The following SLC1A6 variants were observed in gnomAD, a reference collection of about 807,000 sequenced individuals.
SLC1A6 encodes the protein solute carrier family 1 member 6, also known as excitatory amino acid transporter 4.
Under a neutral mutation model 42.1 loss-of-function variants are expected in SLC1A6, and 15 were observed. That is an observed-to-expected ratio of 0.36 (90% confidence interval 0.24 to 0.55). The LOEUF is 0.55. Ranked by LOEUF, SLC1A6 falls within the 20% of genes least tolerant of loss-of-function variation. The probability of loss-of-function intolerance (pLI) is 0.88; values close to 1 mark genes in which losing one functional copy is unlikely to be tolerated. For synonymous variants in SLC1A6, 317 were observed against 319.7 expected (o/e 0.99, Z 0.09); for missense variants, 542 against 772.5 (o/e 0.70, Z 3.54).
At chr19:14,989,754 G>GA (rs1273975162) in intron 1 of SLC1A6, among the ~76,000 whole-genome samples, 12 of 32,826 alleles carry the variant, frequency 3.7e-4, no homozygotes, top group Non-Finnish European at 6.2e-4. Flanking sequence ...TGGGGTGGCG[G>GA]GGGGTGGGGT....
intron 5 of SLC1A6, among the ~76,000 whole-genome samples, chr19:14,963,654 C>A (rs1467480758): frequency 6.6e-6 from 1 of 151,984 alleles, no homozygotes; most frequent in African/African-American, 2.4e-5. Flanking sequence ...AGGAAGTGAA[C>A]AACCAATGTG....
rs745933326 is a variant in SLC1A6, at chr19:14,956,555, G to A, written c.1090C>T (p.Leu364Phe). The change falls in exon 7 of 10, where the codon CTC (leucine) becomes TTC (phenylalanine). Residue 364 changes from leucine (L) to phenylalanine (F), a missense_variant. Transcript: ENST00000594383. ...AGIVLPLIYF[L>F]VTHRNPFPFI... ...GGGAAGGGGTTCCGGTGAGTGACGA[G>A]GAAGTAGATGAGGGGAAGGACAATG... 2 of 1,613,654 alleles carry A rather than the reference G, an allele frequency of 1.2e-6. No individual in the cohort carries two copies. Among genetic ancestry groups the A allele is most frequent in the African/African-American group, 2.7e-5 (2 of 74,988 alleles).
At chr19:15,007,062 C>A (rs1201184182) in intron 1 of SLC1A6, among the ~76,000 whole-genome samples, 5 of 152,164 alleles carry the variant, frequency 3.3e-5, no homozygotes, top group African/African-American at 1.2e-4. Context: ...GTGCTGGGTG[C>A]TCGGTAGTGG....
intron 1 of SLC1A6, among the ~76,000 whole-genome samples, chr19:15,009,873 A>G (rs1007017698): frequency 6.6e-6 from 1 of 152,196 alleles, no homozygotes; most frequent in Non-Finnish European, 1.5e-5. Context: ...AGTGCTATGA[A>G]GACACGAAAG....
intron 1 of SLC1A6, among the ~76,000 whole-genome samples, chr19:14,999,259 C>A (rs1256670449): frequency 6.6e-6 from 1 of 152,102 alleles, no homozygotes; most frequent in Non-Finnish European, 1.5e-5. Flanking sequence ...GTCTCCACAA[C>A]CCCTTATTTT....
intron 1 of SLC1A6, among the ~76,000 whole-genome samples, chr19:14,993,750 CA>C (rs1209771881): frequency 6.6e-6 from 1 of 152,192 alleles, no homozygotes; most frequent in Non-Finnish European, 1.5e-5. Flanking sequence ...TGAAAAGAGT[CA>C]GGGGCTGGAG....
chr19:14,953,013 C>T lies in SLC1A6; in HGVS notation c.1414G>A (p.Gly472Ser). Residue 472 changes from glycine (G) to serine (S), a missense_variant, in exon 9 of 10, where the codon GGT (glycine) becomes AGT (serine). Transcript: ENST00000594383. ...AGCACAATGACCATGGTGACCAGAC[C>T]CGCCTGGGGGATGCCAGCAGCCCCA... ...SVGAAGIPQAGLVTMVIVLTS... is the reference protein window; with the variant it reads ...SVGAAGIPQASLVTMVIVLTS... 3.1e-6 allele frequency: 5 copies of T among 1,613,980 alleles called. No homozygotes were observed. The highest frequency in any genetic ancestry group is 4.2e-6 in the Non-Finnish European group (5 of 1,179,988).
At chr19:15,009,684 A>C (rs1372613930) in intron 1 of SLC1A6, among the ~76,000 whole-genome samples, 1 of 152,170 alleles carries the variant, frequency 6.6e-6, no homozygotes, top group Admixed American at 6.6e-5. Flanking sequence ...TGATGATTGC[A>C]CTAAAAGCCT....
chr19:14,968,527 G>GC lies in SLC1A6; in HGVS notation c.344-21dup. ...CCATACCTGAAGGACAGATGATGTGGCCCCCGCAGCTCCATGCATACCCAA... is the reference window on the plus strand; with the variant it reads ...CCATACCTGAAGGACAGATGATGTGGCCCCCCGCAGCTCCATGCATACCCAA... On this transcript the variant is annotated intron_variant, in intron 3 of 9. Transcript: ENST00000594383. 6.3e-7 allele frequency: 1 copy of GC among 1,587,670 alleles called. No individual in the cohort carries two copies. The highest frequency in any genetic ancestry group is 8.6e-7 in the Non-Finnish European group (1 of 1,164,184).
intron 9 of SLC1A6, among the ~76,000 whole-genome samples, chr19:14,952,516 C>T (rs1320370844): frequency 2.0e-5 from 3 of 151,640 alleles, no homozygotes; most frequent in African/African-American, 7.3e-5. Context: ...CCTCCACCTC[C>T]CAGGTTCAAG....
chr19:15,010,168 A>G (rs1255171663), intron 1 of SLC1A6, among the ~76,000 whole-genome samples: 1 of 121,160 alleles, frequency 8.3e-6, no homozygotes, highest in East Asian at 3.7e-4. Flanking sequence ...CCCAGACGAC[A>G]GTGCAAGACT....
chr19:14,989,786 G>T (rs1419808038), intron 1 of SLC1A6, among the ~76,000 whole-genome samples: 1 of 150,340 alleles, frequency 6.7e-6, no homozygotes, highest in Admixed American at 6.6e-5. Context: ...GAGGTTAGGA[G>T]TTCGAGACCA....
At chr19:14,999,918 A>G (rs552635656) in intron 1 of SLC1A6, among the ~76,000 whole-genome samples, 130 of 152,206 alleles carry the variant, frequency 8.5e-4, no homozygotes, top group Middle Eastern at 6.8e-3. Context: ...ATATATATAC[A>G]TGTGCTATGT....
chr19:14,975,862 AAGGGAAG>A (rs1341613447), intron 1 of SLC1A6, among the ~76,000 whole-genome samples: 2 of 69,378 alleles, frequency 2.9e-5, no homozygotes, highest in African/African-American at 1.4e-4. Flanking sequence ...AAGGGAAGGG[AAGGGAAG>A]GAAAGGGAAG....
At chr19:14,971,678 G>C in intron 3 of SLC1A6, 59 bp downstream of exon 3, 2 of 1,573,146 alleles carry the variant, frequency 1.3e-6, no homozygotes, top group Non-Finnish European at 1.7e-6. Context: ...CTTGGCTCTG[G>C]GTTCAAGCTG....
At chr19:15,002,426 A>G (rs1029660710) in intron 1 of SLC1A6, among the ~76,000 whole-genome samples, 1 of 152,174 alleles carries the variant, frequency 6.6e-6, no homozygotes, top group African/African-American at 2.4e-5. Flanking sequence ...ATGAGCCACC[A>G]TGCCTGGCTT....
At chr19:15,009,792 G>C (rs2045915809) in intron 1 of SLC1A6, among the ~76,000 whole-genome samples, 1 of 152,038 alleles carries the variant, frequency 6.6e-6, no homozygotes, top group Admixed American at 6.6e-5. Flanking sequence ...AATTCTTCTA[G>C]GGCAGGTGAG....
chr19:14,954,091 G>T (rs774288186), intron 8 of SLC1A6, 44 bp downstream of exon 8: 3 of 1,093,568 alleles, frequency 2.7e-6, no homozygotes, highest in Non-Finnish European at 3.9e-6. Flanking sequence ...GCTGATGACC[G>T]CTTAAGTCTC....
intron 1 of SLC1A6, among the ~76,000 whole-genome samples, chr19:15,009,008 C>CAT (rs1256024684): frequency 2.0e-5 from 3 of 150,292 alleles, no homozygotes; most frequent in Admixed American, 6.7e-5. Flanking sequence ...AATATATAAA[C>CAT]ATATATATAT....
Sources: allele counts gnomAD v4.1 joint callset (sites outside exome capture counted in the v4.1 genomes callset), GRCh38; gene constraint gnomAD v4.1.1; transcripts MANE v1.5; gene names NCBI Gene and HGNC (gene_info 2026-07-23, HGNC 2026-07-21).